HEPACAM2: variants seen among roughly 807,000 people sequenced by gnomAD.
HEPACAM2 encodes mitotic kinetics regulator.
Under a neutral mutation model 49.6 loss-of-function variants are expected in HEPACAM2, and 49 were observed. The observed-to-expected ratio is 0.99, with a 90% CI of 0.78 to 1.25. HEPACAM2 has a LOEUF of 1.25. Ranked by LOEUF, HEPACAM2 falls within the 50% of genes most tolerant of loss-of-function variation. HEPACAM2 has a pLI of 0.00. For missense variants in HEPACAM2, 525 were observed against 557.2 expected (o/e 0.94, Z 0.58); for synonymous variants, 197 against 202.9 (o/e 0.97, Z 0.25).
intron 2 of HEPACAM2, among the ~76,000 whole-genome samples, 162 bp downstream of exon 2, chr7:93,218,939 G>A (rs1794380116): frequency 6.6e-6 from 1 of 152,142 alleles, no homozygotes; most frequent in South Asian, 2.1e-4. Context: ...GCCTTGTGAG[G>A]TAGATAATGT....
chr7:93,189,478 G>T (rs954977244), intron 9 of HEPACAM2, among the ~76,000 whole-genome samples: 2 of 151,894 alleles, frequency 1.3e-5, no homozygotes, highest in Non-Finnish European at 2.9e-5. Context: ...CGAAACTAAA[G>T]GTTTACTTAA....
chr7:93,219,660 C>T, intron 1 of HEPACAM2: 1 of 766,132 alleles, frequency 1.3e-6, no homozygotes, highest in Non-Finnish European at 1.9e-6. Flanking sequence ...AAAGACCGTG[C>T]TGGTTGCACA....
At chr7:93,222,079 T>C (rs1794461753) in intron 1 of HEPACAM2, among the ~76,000 whole-genome samples, 1 of 152,036 alleles carries the variant, frequency 6.6e-6, no homozygotes, top group South Asian at 2.1e-4. Flanking sequence ...GAGAGAGAAA[T>C]CTATGTCTCA....
Position 93,215,475 on chromosome 7 carries a change from A to G in HEPACAM2, c.641T>C (p.Ile214Thr), listed in dbSNP as rs1436387909. 3 of 1,613,904 alleles carry G rather than the reference A, an allele frequency of 1.9e-6. No homozygotes were observed. Among genetic ancestry groups the G allele is most frequent in the Non-Finnish European group, 1.7e-6 (2 of 1,179,860 alleles). Residue 214 changes from isoleucine to threonine, a missense_variant, in exon 3 of 10, where the codon ATT (isoleucine) becomes ACT (threonine). Physicochemically the swap from Ile to Thr is moderately conservative, Grantham distance 89 (BLOSUM62 -1). Coordinates refer to ENST00000394468, the MANE Select transcript of HEPACAM2 (RefSeq NM_001039372.4). ...CCTCACCAGGCAGCTGTAATTCCCA[A>G]TGTCTTCCTTGGTTACTGGAGCAAT... is the stretch of plus-strand genomic sequence containing the variant. ...LHIAPVTKED[I>T]GNYSCLVRNP...
intron 8 of HEPACAM2, 89 bp from the exon 9 acceptor site, chr7:93,192,452 T>C (rs1793578746): frequency 2.3e-6 from 2 of 873,966 alleles, no homozygotes; most frequent in Non-Finnish European, 3.6e-6. Flanking sequence ...CAACTGGCAG[T>C]AGTGATGATT....
At chr7:93,191,265 G>A (rs547447343) in intron 9 of HEPACAM2, among the ~76,000 whole-genome samples, 5 of 151,468 alleles carry the variant, frequency 3.3e-5, no homozygotes, top group South Asian at 2.1e-4. Context: ...CCTTATTTAT[G>A]TGACTCTAGG....
chr7:93,211,688 G>A (rs1300199569), intron 3 of HEPACAM2, among the ~76,000 whole-genome samples: 1 of 151,914 alleles, frequency 6.6e-6, no homozygotes, highest in Admixed American at 6.6e-5. Flanking sequence ...TAGAACATTA[G>A]GGAAGGAAAG....
intron 3 of HEPACAM2, 54 bp downstream of exon 3, chr7:93,215,347 T>C: frequency 6.6e-7 from 1 of 1,507,266 alleles, no homozygotes; most frequent in African/African-American, 1.4e-5. Context: ...TCCTGGGAGA[T>C]ATTCTCAGAA....
At chr7:93,199,190 A>G (rs147655312) in intron 4 of HEPACAM2, among the ~76,000 whole-genome samples, 7 of 152,228 alleles carry the variant, frequency 4.6e-5, no homozygotes, top group African/African-American at 1.7e-4. Context: ...CTATGGGATT[A>G]TAATATCTGT....
intron 9 of HEPACAM2, among the ~76,000 whole-genome samples, chr7:93,190,859 T>C (rs1458449618): frequency 1.3e-5 from 2 of 152,000 alleles, no homozygotes; most frequent in Non-Finnish European, 2.9e-5. Context: ...ATATTCACAA[T>C]TTTGACTTAA....
intron 1 of HEPACAM2, among the ~76,000 whole-genome samples, chr7:93,224,441 T>TA (rs1357930784): frequency 6.6e-5 from 10 of 152,148 alleles, no homozygotes; most frequent in Non-Finnish European, 8.8e-5. Flanking sequence ...ATAGTTCTGT[T>TA]AAAAAAATCT....
intron 4 of HEPACAM2, among the ~76,000 whole-genome samples, chr7:93,199,732 T>G (rs1259792633): frequency 6.6e-6 from 1 of 152,082 alleles, no homozygotes; most frequent in Non-Finnish European, 1.5e-5. Context: ...ATATATATGT[T>G]AACACACCTT....
At chr7:93,231,735 C>T in the HEPACAM2 span, among the ~76,000 whole-genome samples, 2 of 152,124 alleles carry the variant, frequency 1.3e-5, no homozygotes, top group East Asian at 1.9e-4. Flanking sequence ...TCGTATTTCC[C>T]GTCATCACTG....
At chr7:93,216,625 T>C (rs970297305) in intron 2 of HEPACAM2, among the ~76,000 whole-genome samples, 3 of 152,190 alleles carry the variant, frequency 2.0e-5, no homozygotes, top group Non-Finnish European at 4.4e-5. Flanking sequence ...CTTGACTTAA[T>C]CGATAAAAAC....
intron 1 of HEPACAM2, chr7:93,219,729 G>A (rs1363439775): frequency 2.0e-6 from 1 of 494,218 alleles, no homozygotes; most frequent in Non-Finnish European, 3.5e-6. Context: ...ATGGGAAAAG[G>A]AGAACTAAGA....
intron 3 of HEPACAM2, among the ~76,000 whole-genome samples, chr7:93,210,335 G>A (rs1215830015): frequency 6.6e-6 from 1 of 151,826 alleles, no homozygotes; most frequent in African/African-American, 2.4e-5. Context: ...TTTAAGATGA[G>A]GAAAGAGATA....
At chr7:93,208,946 G>T in intron 3 of HEPACAM2, 70 bp from the exon 4 acceptor site, 1 of 1,333,572 alleles carries the variant, frequency 7.5e-7, no homozygotes, top group South Asian at 1.6e-5. Flanking sequence ...GTTTGGGAGA[G>T]CTTAGTAGCA....
intron 1 of HEPACAM2, among the ~76,000 whole-genome samples, chr7:93,223,999 T>C (rs1794497356): frequency 6.6e-6 from 1 of 152,176 alleles, no homozygotes; most frequent in African/African-American, 2.4e-5. Context: ...AGTTTACTAA[T>C]GTGAGAAAAC....
Position 93,219,135 on chromosome 7 carries a change from T to A in HEPACAM2, c.396A>T (p.Leu132=), listed in dbSNP as rs778833656. Residue 132 remains leucine, a synonymous_variant, in exon 2 of 10, where the codon CTA becomes CTT. Coordinates refer to ENST00000394468, the MANE Select transcript of HEPACAM2 (RefSeq NM_001039372.4). ...TGACTTGTATCTTCTGACTGGCAGATAGAGTTCCATTTCCCTGAATGTTGA... is the reference window on the plus strand; with the variant it reads ...TGACTTGTATCTTCTGACTGGCAGAAAGAGTTCCATTTCCCTGAATGTTGA... ...VKVNIQGNGT[L]SASQKIQVTV... The A allele has an allele frequency of 3.1e-6, 5 of 1,613,836 alleles. No homozygotes were observed. The highest frequency in any genetic ancestry group is 4.2e-6 in the Non-Finnish European group (5 of 1,179,870).
Sources: gnomAD v4.1 joint callset for allele counts (sites outside exome capture counted in the v4.1 genomes callset) on GRCh38, gnomAD v4.1.1 for gene constraint, MANE v1.5 for transcripts, NCBI Gene and HGNC (gene_info 2026-07-23, HGNC 2026-07-21) for gene names.